The following TTC34 variants were observed in gnomAD, a reference collection of about 807,000 sequenced individuals.
TTC34 encodes tetratricopeptide repeat protein 34.
TTC34 carries 44 observed loss-of-function variants against 40.7 expected under a neutral mutation model. That is an observed-to-expected ratio of 1.08 (90% CI 0.85 to 1.39). The LOEUF (loss-of-function observed/expected upper bound fraction) is 1.39. TTC34 is among the 40% of genes most tolerant of loss of function. The probability of loss-of-function intolerance (pLI) is 0.00; values close to 1 mark genes in which losing one functional copy is unlikely to be tolerated. For synonymous variants in TTC34, 422 were observed against 398.6 expected, an observed-to-expected ratio of 1.06 and a Z score of -0.70; for missense variants, 884 against 838.0, an observed-to-expected ratio of 1.05 and a Z score of -0.68.
intron 6 of TTC34, among the ~76,000 whole-genome samples, chr1:2,767,504 C>T (rs1222445604): frequency 1.4e-5 from 2 of 147,006 alleles, no homozygotes; most frequent in Non-Finnish European, 3.0e-5. Flanking sequence ...GATCTGACAG[C>T]CTGGAACAGA....
At chr1:2,773,226 G>A (rs1642589991) in intron 6 of TTC34, among the ~76,000 whole-genome samples, 1 of 131,420 alleles carries the variant, frequency 7.6e-6, no homozygotes, top group African/African-American at 2.7e-5. Flanking sequence ...ACCCCCGGGC[G>A]AGCATCTGAC....
intron 7 of TTC34, 148 bp from the exon 8 acceptor site, chr1:2,644,626 G>T: frequency 1.2e-6 from 1 of 824,050 alleles, no homozygotes; most frequent in Non-Finnish European, 1.9e-6. Flanking sequence ...GCTGGGAGCA[G>T]AGGTGCACCG....
intron 6 of TTC34, among the ~76,000 whole-genome samples, chr1:2,782,127 T>A (rs1439621454): frequency 1.3e-5 from 2 of 152,204 alleles, no homozygotes; most frequent in African/African-American, 4.8e-5. Context: ...AGCCATCAGG[T>A]CCTGGCCTTT....
Position 2,796,936 on chromosome 1 carries a change from C to T in TTC34, c.784+3108G>A, listed in dbSNP as rs1262875699. Among the ~76,000 whole-genome samples the T allele has an allele frequency of 6.6e-6, 1 of 152,180 alleles. No homozygotes were observed. Among genetic ancestry groups the T allele is most frequent in the Non-Finnish European group, 1.5e-5 (1 of 68,030 alleles). Reference sequence around the variant, plus strand: ...CACACGCCCAACGCACACTCCTTGTCCTCTCCTTACGGACATTGTGGCCAC... The same window carrying T: ...CACACGCCCAACGCACACTCCTTGTTCTCTCCTTACGGACATTGTGGCCAC... On this transcript the variant is annotated intron_variant, in intron 2 of 8. Coordinates refer to ENST00000401095, the Ensembl canonical transcript of TTC34. This position sits in a 1 kb window ranked among gnomAD's most constrained non-coding sequence, Gnocchi z 4.5.
intron 5 of TTC34, among the ~76,000 whole-genome samples, chr1:2,784,716 C>T (rs530207874): frequency 6.6e-6 from 1 of 152,294 alleles, no homozygotes; most frequent in Admixed American, 6.5e-5. Context: ...AGTAATGCAA[C>T]AAAAAGTAAT....
chr1:2,686,084 CA>C (rs376294707), intron 6 of TTC34, among the ~76,000 whole-genome samples: 18,114 of 126,524 alleles, frequency 0.14, 1,930 homozygotes, highest in South Asian at 0.22. Flanking sequence ...CCCACACCCC[CA>C]GGCGAGCATC....
chr1:2,641,878 G>C, exon 9 of TTC34: 16 of 1,487,534 alleles, frequency 1.1e-5, no homozygotes, highest in Non-Finnish European at 1.4e-5. Context: ...GGAGGGTGCC[G>C]GCTTCCTGGG....
intron 6 of TTC34, among the ~76,000 whole-genome samples, chr1:2,683,440 T>A (rs1197365685): frequency 6.4e-5 from 9 of 141,344 alleles, no homozygotes; most frequent in South Asian, 2.2e-4. Flanking sequence ...CACCCCCAGG[T>A]GAGCATCCGA....
At chr1:2,698,801 C>T (rs1352781722) in intron 6 of TTC34, among the ~76,000 whole-genome samples, 1 of 147,206 alleles carries the variant, frequency 6.8e-6, no homozygotes, top group Non-Finnish European at 1.5e-5. Flanking sequence ...TGGAGCAGCA[C>T]CCCACACCCA....
intron 6 of TTC34, among the ~76,000 whole-genome samples, chr1:2,754,699 CT>C (rs1641445626): frequency 7.8e-6 from 1 of 127,408 alleles, no homozygotes; most frequent in African/African-American, 3.3e-5. Flanking sequence ...GCACCCACAC[CT>C]CCAGGCGAGC....
At chr1:2,637,185 C>T (rs958680624) in exon 9 of TTC34, 1 of 151,924 alleles carries the variant, frequency 6.6e-6, no homozygotes, top group Non-Finnish European at 1.5e-5. Context: ...AAAGGTACCA[C>T]TCAAAGGTGG....
chr1:2,698,646 ACCG>A (rs1640979921), intron 6 of TTC34, among the ~76,000 whole-genome samples: 1 of 31,050 alleles, frequency 3.2e-5, no homozygotes, highest in Non-Finnish European at 5.4e-5. Flanking sequence ...CAGCACCCAC[ACCG>A]CCAGGCCAGC....
intron 6 of TTC34, among the ~76,000 whole-genome samples, chr1:2,749,464 G>A (rs1435147203): frequency 0.043 from 4,871 of 112,920 alleles, 318 homozygotes; most frequent in Non-Finnish European, 0.06. Context: ...GCATCTGACG[G>A]CCTGGAACAG....
At chr1:2,752,481 A>T (rs1641354961) in intron 6 of TTC34, among the ~76,000 whole-genome samples, 2 of 147,208 alleles carry the variant, frequency 1.4e-5, no homozygotes, top group African/African-American at 2.5e-5. Flanking sequence ...AGCCTGGAAC[A>T]GCACCCACAC....
intron 6 of TTC34, among the ~76,000 whole-genome samples, chr1:2,648,986 TGGG>T (rs1639074001): frequency 6.6e-6 from 1 of 151,120 alleles, no homozygotes; most frequent in African/African-American, 2.4e-5. Flanking sequence ...TCTGACAGCC[TGGG>T]AATGCACCCC....
In TTC34 at chr1:2,645,193, G is replaced by A. The variant is rs1246435245; in HGVS notation, c.2497+100C>T. The A allele has an allele frequency of 3.0e-6, 4 of 1,316,768 alleles. No individual in the cohort carries two copies. Among genetic ancestry groups the A allele is most frequent in the South Asian group, 1.9e-5 (1 of 52,540 alleles). The allele number at this position is 1,316,768 out of a possible 1,614,324, so 81.6% of individuals were successfully genotyped here. A position where few individuals can be genotyped will look rare whatever the true frequency, so the allele number is the denominator to read the frequency against. On this transcript the variant is annotated intron_variant, in intron 7 of 8. Transcript: ENST00000401095. The surrounding 1 kb of genome is among the most constrained non-coding windows in gnomAD (Gnocchi z 4.7). ...GGGACCTTGGAAGCTGTTGTGGTCC[G>A]GGTCTCTTTCTTCCATTTTTACAGA...
chr1:2,751,081 CCACATGCCCAGCTGAGCCTCT>C (rs1641303804), intron 6 of TTC34, among the ~76,000 whole-genome samples: 1 of 114,856 alleles, frequency 8.7e-6, no homozygotes, highest in Non-Finnish European at 1.7e-5. Flanking sequence ...GGAACACCTC[CCACATGCCCAGCTGAGCCTCT>C]GACAGCCTGG....
chr1:2,686,544 C>T (rs543608310), intron 6 of TTC34, among the ~76,000 whole-genome samples: 2 of 75,462 alleles, frequency 2.7e-5, no homozygotes, highest in Non-Finnish European at 5.2e-5. Flanking sequence ...ATCTGACAGC[C>T]TGGAACAGCA....
chr1:2,794,725 ATGGTGGGTTTGGG>A (rs1431430386), intron 2 of TTC34, among the ~76,000 whole-genome samples: 2 of 152,188 alleles, frequency 1.3e-5, no homozygotes, highest in Admixed American at 6.5e-5. Flanking sequence ...TATGATATTT[ATGGTGGGTTTGGG>A]ATAGATATTA....
Sources: gnomAD v4.1 joint callset for allele counts (sites outside exome capture counted in the v4.1 genomes callset) on GRCh38, gnomAD v4.1.1 for gene constraint, Gnocchi (gnomAD v3.1) non-coding constraint, MANE v1.5 for transcripts, NCBI Gene and HGNC (gene_info 2026-07-23, HGNC 2026-07-21) for gene names.